Variants in DCDC2C observed in about 807,000 individuals in gnomAD.
DCDC2C encodes doublecortin domain containing 2C, also known as doublecortin domain-containing protein 2C.
A neutral mutation model predicts 45.0 loss-of-function variants in DCDC2C; 44 were observed. That is an observed-to-expected ratio of 0.98 (90% CI 0.77 to 1.26). DCDC2C has a LOEUF of 1.26. Ranked by LOEUF, DCDC2C falls within the 50% of genes most tolerant of loss-of-function variation. The pLI, the probability that DCDC2C is intolerant of heterozygous loss-of-function variation, is 0.00. For synonymous variants in DCDC2C, 187 were observed against 178.8 expected, an observed-to-expected ratio of 1.05 and a Z score of -0.37; for missense variants, 447 against 468.9, an observed-to-expected ratio of 0.95 and a Z score of 0.43.
In DCDC2C at chr2:3,843,937, G is replaced by A. The variant is rs1435427748; in HGVS notation, c.1066-3217G>A. On this transcript the variant is annotated intron_variant, in intron 10 of 10. Transcript: ENST00000399143. ...AATACCCTATGTGAAAAGTATTTTT[G>A]TTAGTATTATCACTGTCACTACTAA... 2.0e-5 allele frequency among the ~76,000 whole-genome samples: 3 copies of A among 152,056 alleles called. No homozygotes were observed. The South Asian group carries it at 6.2e-4, about 32-fold the overall frequency.
chr2:3,811,497 T>C (rs112757631), intron 10 of DCDC2C, among the ~76,000 whole-genome samples: 2 of 152,330 alleles, frequency 1.3e-5, no homozygotes, highest in African/African-American at 4.8e-5. Context: ...GATGGGGTTT[T>C]CTAAATATAC....
At chr2:3,728,526 T>A (rs1668765076) in intron 3 of DCDC2C, among the ~76,000 whole-genome samples, 1 of 152,144 alleles carries the variant, frequency 6.6e-6, no homozygotes, top group Non-Finnish European at 1.5e-5. Context: ...CCATCAATGA[T>A]CCTCACTCAC....
At chr2:3,795,844 G>A (rs796966707) in intron 10 of DCDC2C, among the ~76,000 whole-genome samples, 4,388 of 117,212 alleles carry the variant, frequency 0.037, 45 homozygotes, top group Non-Finnish European at 0.043. Flanking sequence ...TTGACGTGGC[G>A]ATGCGGGCTC....
intron 10 of DCDC2C, among the ~76,000 whole-genome samples, chr2:3,789,182 G>A (rs2148187639): frequency 6.6e-6 from 1 of 152,166 alleles, no homozygotes; most frequent in African/African-American, 2.4e-5. Flanking sequence ...AAAAATAGTG[G>A]GTTTTGTCTA....
chr2:3,710,694 C>T (rs527565871), intron 2 of DCDC2C, among the ~76,000 whole-genome samples: 2 of 152,254 alleles, frequency 1.3e-5, no homozygotes, highest in South Asian at 4.2e-4. Context: ...CCCATGAGTA[C>T]CTACTGTTTA....
At chr2:3,737,115 C>T (rs562347922) in intron 3 of DCDC2C, among the ~76,000 whole-genome samples, 1 of 152,266 alleles carries the variant, frequency 6.6e-6, no homozygotes, top group South Asian at 2.1e-4. Flanking sequence ...CTGAGTACCC[C>T]CAGGTGCCAG....
chr2:3,708,378 G>T (rs1668122792), intron 1 of DCDC2C, among the ~76,000 whole-genome samples, 171 bp from the exon 2 acceptor site: 1 of 152,124 alleles, frequency 6.6e-6, no homozygotes. Context: ...CAGCAGCATT[G>T]CTATTGTATT....
At chr2:3,784,143 T>A (rs1310900932) in intron 9 of DCDC2C, among the ~76,000 whole-genome samples, 1 of 152,208 alleles carries the variant, frequency 6.6e-6, no homozygotes, top group East Asian at 1.9e-4. Context: ...TAAATCAGAT[T>A]GACAATGTCC....
intron 3 of DCDC2C, among the ~76,000 whole-genome samples, chr2:3,731,204 C>A (rs527242222): frequency 5.1e-4 from 77 of 152,276 alleles, no homozygotes; most frequent in Admixed American, 3.8e-3. Flanking sequence ...GACAGACCAC[C>A]CTACCAGGCT....
chr2:3,703,596 A>G lies in DCDC2C; in HGVS notation c.-156A>G. On this transcript the variant is annotated 5_prime_UTR_variant, in exon 1 of 11. Coordinates refer to ENST00000399143, the MANE Select transcript of DCDC2C (RefSeq NM_001287444.2). This position sits in a 1 kb window ranked among gnomAD's most constrained non-coding sequence, Gnocchi z 4.4. ...TGGCAGCCCCGTCCCGTCCCCGTCC[A>G]GCCCCCGTCCCGTCCCCGTCCCGTC... 1 of 702,168 alleles carries G rather than the reference A, an allele frequency of 1.4e-6. No individual in the cohort carries two copies. The highest frequency in any genetic ancestry group is 1.9e-6 in the Non-Finnish European group (1 of 520,786). The allele number at this position is 702,168 out of a possible 1,614,324, so 43.5% of individuals were successfully genotyped here.
intron 10 of DCDC2C, among the ~76,000 whole-genome samples, chr2:3,829,613 T>G (rs1285735860): frequency 6.6e-6 from 1 of 152,200 alleles, no homozygotes; most frequent in Non-Finnish European, 1.5e-5. Flanking sequence ...AACAGCCTGC[T>G]CCAAGCAAAA....
intron 3 of DCDC2C, among the ~76,000 whole-genome samples, chr2:3,739,629 G>A (rs1379523588): frequency 6.6e-6 from 1 of 152,256 alleles, no homozygotes; most frequent in Non-Finnish European, 1.5e-5. Flanking sequence ...CCTGACTCCA[G>A]GGAAAAACCG....
chr2:3,775,981 C>A (rs904758376), intron 8 of DCDC2C, among the ~76,000 whole-genome samples: 1 of 151,780 alleles, frequency 6.6e-6, no homozygotes, highest in African/African-American at 2.4e-5. Context: ...GTGGGCTAGG[C>A]AGCTGTGGCT....
In DCDC2C at chr2:3,721,842, C is replaced by T. The variant is rs150612354; in HGVS notation, c.340-5161C>T. ...CCCTGCACAAGCTCTCTTTGCCTGT[C>T]GCCATCTATGTAAGATGTGACTTGC... On this transcript the variant is annotated intron_variant, in intron 2 of 10. Coordinates refer to ENST00000399143, the MANE Select transcript of DCDC2C (RefSeq NM_001287444.2). Among the ~76,000 whole-genome samples the T allele has an allele frequency of 8.7e-4, 132 of 152,308 alleles. 1 individual carries two copies. The highest frequency in any genetic ancestry group is 2.9e-3 in the African/African-American group (121 of 41,550).
rs1233769025 is a variant in DCDC2C, at chr2:3,847,594, G to A, written c.*411G>A. ...GTACTGATAACCTTTGCTATGTAAA[G>A]TTCAAAGTATAAAAATGTTTTACCT... On this transcript the variant is annotated 3_prime_UTR_variant, in exon 11 of 11. Coordinates refer to ENST00000399143, the MANE Select transcript of DCDC2C (RefSeq NM_001287444.2). Among the ~76,000 whole-genome samples, 1 of 152,116 alleles carries A rather than the reference G, an allele frequency of 6.6e-6. No individual in the cohort carries two copies. The highest frequency in any genetic ancestry group is 1.5e-5 in the Non-Finnish European group (1 of 68,016).
intron 10 of DCDC2C, among the ~76,000 whole-genome samples, chr2:3,825,791 G>C (rs1671802390): frequency 6.6e-6 from 1 of 152,168 alleles, no homozygotes; most frequent in African/African-American, 2.4e-5. Context: ...GCTGTAGCCA[G>C]GAGAGGTGGG....
At chr2:3,790,971 G>A (rs192170315) in intron 10 of DCDC2C, among the ~76,000 whole-genome samples, 94 of 152,220 alleles carry the variant, frequency 6.2e-4, no homozygotes, top group African/African-American at 1.9e-3. Context: ...TGAGCCAGGC[G>A]TGGTGGTGGG....
chr2:3,749,422 G>A (rs1669471324), intron 4 of DCDC2C, among the ~76,000 whole-genome samples: 2 of 152,090 alleles, frequency 1.3e-5, no homozygotes, highest in Non-Finnish European at 2.9e-5. Flanking sequence ...GTGATGTCCC[G>A]GCTCACATTT....
Position 3,840,532 on chromosome 2 carries a change from T to C in DCDC2C, c.1066-6622T>C, listed in dbSNP as rs146474323. Among the ~76,000 whole-genome samples the C allele has an allele frequency of 6.6e-5, 10 of 152,366 alleles. No individual in the cohort carries two copies. In the East Asian group the frequency reaches 1.2e-3, roughly 18 times the overall value. ...GGCTTTCTGCGTAATAAAAGCATAG[T>C]TGTATTTTTTACTGAAATCGGCCCT... On this transcript the variant is annotated intron_variant, in intron 10 of 10. Transcript: ENST00000399143.
Sources: allele counts gnomAD v4.1 joint callset (sites outside exome capture counted in the v4.1 genomes callset), GRCh38; gene constraint gnomAD v4.1.1; non-coding constraint Gnocchi (gnomAD v3.1); transcripts MANE v1.5; gene names NCBI Gene and HGNC (gene_info 2026-07-23, HGNC 2026-07-21).